SH3RF1: variants seen among roughly 807,000 people sequenced by gnomAD.
The protein encoded by SH3RF1 is SH3 domain containing ring finger 1.
In SH3RF1, 32 loss-of-function variants were observed where a neutral mutation model predicts 74.0. That is an observed-to-expected ratio of 0.43 (90% CI 0.33 to 0.58). SH3RF1 has a LOEUF of 0.58. Among genes scored for constraint, SH3RF1 ranks in the 20% least tolerant of loss-of-function variants. SH3RF1 has a pLI of 0.05. For missense variants in SH3RF1, 954 were observed against 1,130.9 expected, an observed-to-expected ratio of 0.84 and a Z score of 2.24; for synonymous variants, 396 against 439.6, an observed-to-expected ratio of 0.90 and a Z score of 1.24.
At chr4:169,184,889 T>G (rs1455548199) in intron 2 of SH3RF1, among the ~76,000 whole-genome samples, 1 of 152,192 alleles carries the variant, frequency 6.6e-6, no homozygotes, top group Admixed American at 6.5e-5. Flanking sequence ...TGCAAGGGAT[T>G]GTCTGTGAGA....
At chr4:169,104,106 T>TGCAGAAGCC (rs1416856421) in intron 11 of SH3RF1, among the ~76,000 whole-genome samples, 1 of 152,028 alleles carries the variant, frequency 6.6e-6, no homozygotes, top group Admixed American at 6.5e-5. Flanking sequence ...GCAGAAGCCG[T>TGCAGAAGCC]AGAGACTGAG....
At chr4:169,106,120 A>ATTC (rs1341314164) in intron 11 of SH3RF1, among the ~76,000 whole-genome samples, 1 of 150,992 alleles carries the variant, frequency 6.6e-6, no homozygotes, top group African/African-American at 2.4e-5. Context: ...TATTATTATT[A>ATTC]TTATTATTTT....
chr4:169,209,093 AGCCTGGCCAACATGGT>A (rs1186765777), intron 2 of SH3RF1, among the ~76,000 whole-genome samples: 1 of 152,148 alleles, frequency 6.6e-6, no homozygotes, highest in African/African-American at 2.4e-5. Context: ...GTTCGAGACC[AGCCTGGCCAACATGGT>A]GAAACCCCAT....
intron 2 of SH3RF1, among the ~76,000 whole-genome samples, chr4:169,222,153 A>T (rs1730576267): frequency 6.6e-6 from 1 of 152,232 alleles, no homozygotes; most frequent in Non-Finnish European, 1.5e-5. Context: ...TGTGACAATT[A>T]TAATATGCTC....
chr4:169,223,465 G>A (rs569806712), intron 2 of SH3RF1, among the ~76,000 whole-genome samples: 14 of 152,276 alleles, frequency 9.2e-5, no homozygotes, highest in African/African-American at 2.9e-4. Flanking sequence ...AGAAAAGAGA[G>A]GGAAACCAGA....
intron 2 of SH3RF1, among the ~76,000 whole-genome samples, chr4:169,259,589 C>T (rs1488891899): frequency 6.6e-6 from 1 of 152,130 alleles, no homozygotes; most frequent in Non-Finnish European, 1.5e-5. Flanking sequence ...TTTAAGGTTA[C>T]TACCTTCAGA....
chr4:169,158,387 G>A (rs573807339), intron 2 of SH3RF1, among the ~76,000 whole-genome samples: 2 of 152,200 alleles, frequency 1.3e-5, no homozygotes, highest in African/African-American at 2.4e-5. Context: ...CATGTGCAGC[G>A]GGACTGGGGA....
chr4:169,184,720 T>C (rs1734575988), intron 2 of SH3RF1, among the ~76,000 whole-genome samples: 1 of 152,192 alleles, frequency 6.6e-6, no homozygotes, highest in African/African-American at 2.4e-5. Context: ...TTTTGGGGTA[T>C]TTATTTATTT....
At chr4:169,246,364 C>T (rs1360988920) in intron 2 of SH3RF1, among the ~76,000 whole-genome samples, 3 of 152,174 alleles carry the variant, frequency 2.0e-5, no homozygotes, top group Admixed American at 6.5e-5. Context: ...ATTTCCACCT[C>T]GGTGTGCTAT....
intron 11 of SH3RF1, among the ~76,000 whole-genome samples, chr4:169,103,833 CTT>C (rs1394922825): frequency 1.3e-5 from 2 of 152,234 alleles, no homozygotes; most frequent in African/African-American, 4.8e-5. Flanking sequence ...AAAATATAAA[CTT>C]GGGTAGAAAT....
At chr4:169,151,296 G>C (rs1269356431) in intron 4 of SH3RF1, among the ~76,000 whole-genome samples, 3 of 152,136 alleles carry the variant, frequency 2.0e-5, no homozygotes, top group Non-Finnish European at 4.4e-5. Context: ...AGAAAAAAGG[G>C]TTAATAATTT....
intron 11 of SH3RF1, among the ~76,000 whole-genome samples, chr4:169,102,959 T>C (rs539943524): frequency 7.0e-6 from 1 of 141,906 alleles, no homozygotes; most frequent in African/African-American, 2.6e-5. Flanking sequence ...TCTCGCTCTG[T>C]CAGGCTGGAT....
intron 2 of SH3RF1, among the ~76,000 whole-genome samples, chr4:169,168,238 G>A (rs1734277602): frequency 6.6e-6 from 1 of 152,142 alleles, no homozygotes; most frequent in South Asian, 2.1e-4. Flanking sequence ...AAATTCAGAG[G>A]TATGGAGATT....
intron 7 of SH3RF1, among the ~76,000 whole-genome samples, chr4:169,121,546 C>T (rs1183223871): frequency 6.6e-6 from 1 of 152,136 alleles, no homozygotes; most frequent in Non-Finnish European, 1.5e-5. Context: ...TACAAGACAA[C>T]CCCAAGATGC....
chr4:169,143,724 G>A (rs1280446525), intron 4 of SH3RF1, among the ~76,000 whole-genome samples: 1 of 152,118 alleles, frequency 6.6e-6, no homozygotes, highest in Non-Finnish European at 1.5e-5. Flanking sequence ...CAAGGGAAAA[G>A]GATTTTCAAA....
In SH3RF1 at chr4:169,120,056, T is replaced by C. The variant is rs139260138; in HGVS notation, c.1517+763A>G. Among the ~76,000 whole-genome samples the C allele has an allele frequency of 1.3e-3, 199 of 152,308 alleles. 1 individual carries two copies. Among genetic ancestry groups the C allele is most frequent in the African/African-American group, 4.6e-3 (192 of 41,574 alleles). The stretch of plus-strand genomic sequence containing the variant: ...GACATTTTAGGCCAGATTATGATTA[T>C]TTTTTGTGGGAGGCTGTCCTATGCA... On this transcript the variant is annotated intron_variant, in intron 8 of 11. Transcript: ENST00000284637.
intron 4 of SH3RF1, among the ~76,000 whole-genome samples, chr4:169,141,164 C>T (rs947672073): frequency 1.3e-5 from 2 of 152,104 alleles, no homozygotes; most frequent in Non-Finnish European, 2.9e-5. Flanking sequence ...TCTGTCTCTT[C>T]CCAACCCACT....
At chr4:169,183,405 C>T (rs540275852) in intron 2 of SH3RF1, among the ~76,000 whole-genome samples, 28 of 152,190 alleles carry the variant, frequency 1.8e-4, no homozygotes, top group African/African-American at 5.8e-4. Context: ...CTCAGCCTCC[C>T]GAGTAGCTGG....
intron 2 of SH3RF1, among the ~76,000 whole-genome samples, chr4:169,248,260 C>T (rs532139653): frequency 3.3e-4 from 50 of 152,126 alleles, no homozygotes; most frequent in African/African-American, 1.1e-3. Flanking sequence ...AATGATAGAC[C>T]GCATAAAGAA....
Sources: allele counts gnomAD v4.1 joint callset (sites outside exome capture counted in the v4.1 genomes callset), GRCh38; gene constraint gnomAD v4.1.1; transcripts MANE v1.5; gene names NCBI Gene and HGNC (gene_info 2026-07-23, HGNC 2026-07-21).